The following SLC24A4 variants were observed in gnomAD, a reference collection of about 807,000 sequenced individuals.
The protein encoded by SLC24A4 is sodium/potassium/calcium exchanger 4.
SLC24A4 carries 53 observed loss-of-function variants against 79.0 expected under a neutral mutation model. The observed-to-expected ratio is 0.67, with a 90% CI of 0.54 to 0.84. SLC24A4 has a LOEUF of 0.84. Among genes scored for constraint, SLC24A4 ranks in the 40% least tolerant of loss-of-function variants. The pLI is 0.00. For synonymous variants in SLC24A4, 323 were observed against 323.8 expected, an observed-to-expected ratio of 1.00 and a Z score of 0.03; for missense variants, 731 against 822.0, an observed-to-expected ratio of 0.89 and a Z score of 1.35.
chr14:92,434,108 C>G, intron 3 of SLC24A4, 120 bp downstream of exon 3: 1 of 786,802 alleles, frequency 1.3e-6, no homozygotes, highest in Non-Finnish European at 2.2e-6. Flanking sequence ...GTGAGGAGAG[C>G]GGAGACTGGG....
chr14:92,323,600 AGCGCGCACGCG>A lies in SLC24A4; in HGVS notation c.-224_-214del, dbSNP rs1186380906. 11 of 389,156 alleles carry A rather than the reference AGCGCGCACGCG, an allele frequency of 2.8e-5. No individual in the cohort carries two copies. Among genetic ancestry groups the A allele is most frequent in the Non-Finnish European group, 4.9e-5 (11 of 223,234 alleles). 24.1% of individuals were successfully genotyped at this position (389,156 alleles called of 1,614,324 possible). The stretch of plus-strand genomic sequence containing the variant: ...CTCGCCACGGAGCCATGGTGCGCGC[AGCGCGCACGCG>A]GCGCGCGGGACTCTGAGCTCCGGCC... On this transcript the variant is annotated 5_prime_UTR_variant, in exon 1 of 17. It removes the in-frame stop codon of an upstream open reading frame in the 5' UTR. Transcript: ENST00000532405. The surrounding 1 kb of genome is among the most constrained non-coding windows in gnomAD (Gnocchi z 4.9).
chr14:92,407,880 TGTGTGTGTGTGTGTG>T (rs1890483797), intron 2 of SLC24A4, among the ~76,000 whole-genome samples: 1 of 151,622 alleles, frequency 6.6e-6, no homozygotes, highest in African/African-American at 2.4e-5. Flanking sequence ...TGTGTGTGTG[TGTGTGTGTGTGTGTG>T]TGTGTATTTA....
At position 92,336,239 on chromosome 14, in the gene SLC24A4, C is replaced by T. The variant is rs959310932; in HGVS notation, c.241+10261C>T. Among the ~76,000 whole-genome samples the T allele has an allele frequency of 3.3e-5, 5 of 152,172 alleles. No individual in the cohort carries two copies. The South Asian group carries it at 8.3e-4, about 25-fold the overall frequency. Reference sequence around the variant, plus strand: ...GGGTGAAAGAGATCCAGCCGTTGGACGTAACAGAAAAGTTGAATACTTGAA... The same window carrying T: ...GGGTGAAAGAGATCCAGCCGTTGGATGTAACAGAAAAGTTGAATACTTGAA... On this transcript the variant is annotated intron_variant, in intron 2 of 16. Transcript: ENST00000532405.
rs547107174 is a variant in SLC24A4 at position 92,345,766 on chromosome 14, A to C, written c.241+19788A>C. ...GCTGAGAATGAGGGCTGGTGTTCTG[A>C]GAGGGTGAAAGGGGGATGTTCATAG... On this transcript the variant is annotated intron_variant, in intron 2 of 16. Coordinates refer to ENST00000532405, the MANE Select transcript of SLC24A4 (RefSeq NM_153646.4). Among the ~76,000 whole-genome samples the C allele has an allele frequency of 4.4e-4, 67 of 151,914 alleles. 2 individuals are homozygous for C. In the South Asian group the frequency reaches 0.014, roughly 32 times the overall value.
At position 92,456,094 on chromosome 14, in the gene SLC24A4, C is replaced by T. The variant is rs556512234; in HGVS notation, c.1051-310C>T. 2.0e-4 allele frequency among the ~76,000 whole-genome samples: 31 copies of T among 152,338 alleles called. No individual in the cohort carries two copies. The South Asian group carries it at 5.2e-3, about 25-fold the overall frequency. On this transcript the variant is annotated intron_variant, in intron 11 of 16. Transcript: ENST00000532405. ...GTGGCCATCTTCAGGCAGCTGTGAA[C>T]GTCACCAGGGAGAGCCCCGAATGAT... is the stretch of plus-strand genomic sequence containing the variant.
intron 9 of SLC24A4, 34 bp from the exon 10 acceptor site, chr14:92,449,040 A>G: frequency 6.2e-7 from 1 of 1,611,796 alleles, no homozygotes; most frequent in Non-Finnish European, 8.5e-7. Context: ...ACTCCTTTCC[A>G]TTGCCCTGAC....
At chr14:92,356,877 C>A (rs1256243736) in intron 2 of SLC24A4, among the ~76,000 whole-genome samples, 1 of 152,146 alleles carries the variant, frequency 6.6e-6, no homozygotes, top group Non-Finnish European at 1.5e-5. Flanking sequence ...TAAGCCAGAC[C>A]CCCTCATGGC....
At chr14:92,382,273 A>C (rs1202368096) in intron 2 of SLC24A4, among the ~76,000 whole-genome samples, 1 of 152,194 alleles carries the variant, frequency 6.6e-6, no homozygotes, top group Non-Finnish European at 1.5e-5. Flanking sequence ...ATCAATTATC[A>C]AACATATATA....
intron 13 of SLC24A4, chr14:92,484,958 T>G: frequency 1.2e-6 from 1 of 869,110 alleles, no homozygotes; most frequent in Non-Finnish European, 1.4e-6. Flanking sequence ...TTGTGTACAT[T>G]ATACCCAATT....
chr14:92,484,065 G>A (rs1895224179), intron 13 of SLC24A4: 1 of 985,316 alleles, frequency 1.0e-6, no homozygotes. Flanking sequence ...TGAAGTGGGG[G>A]TGATCATCAC....
chr14:92,451,559 C>G (rs1893140054), intron 10 of SLC24A4: 2 of 152,258 alleles, frequency 1.3e-5, no homozygotes, highest in African/African-American at 4.8e-5. Flanking sequence ...CTGGGAGATT[C>G]TTCAAGAGCA....
At chr14:92,427,875 A>G (rs1034646130) in intron 2 of SLC24A4, among the ~76,000 whole-genome samples, 2 of 152,112 alleles carry the variant, frequency 1.3e-5, no homozygotes, top group African/African-American at 4.8e-5. Context: ...ATAGAGGTGG[A>G]GTCTTCATGG....
At chr14:92,448,326 A>G (rs888645931) in intron 9 of SLC24A4, among the ~76,000 whole-genome samples, 5 of 136,464 alleles carry the variant, frequency 3.7e-5, no homozygotes, top group African/African-American at 1.4e-4. Context: ...GTTATGACAT[A>G]TATTTTTTTC....
At chr14:92,483,644 G>C (rs1408010443) in intron 13 of SLC24A4, 18 of 972,654 alleles carry the variant, frequency 1.9e-5, no homozygotes, top group Non-Finnish European at 2.6e-5. Flanking sequence ...GCTGGGCTGG[G>C]CTGGGTCAGG....
In SLC24A4 at chr14:92,387,865, C is replaced by A. The variant is rs571436166; in HGVS notation, c.242-46047C>A. 7.2e-5 allele frequency among the ~76,000 whole-genome samples: 11 copies of A among 152,352 alleles called. No individual in the cohort carries two copies. The South Asian group carries it at 2.3e-3, about 32-fold the overall frequency. ...TTAGCATGAGTCACCCATGTTGTAG[C>A]CTGTGTTAGAATGTCCTACCTTTTA... On this transcript the variant is annotated intron_variant, in intron 2 of 16. Coordinates refer to ENST00000532405, the MANE Select transcript of SLC24A4 (RefSeq NM_153646.4).
intron 2 of SLC24A4, among the ~76,000 whole-genome samples, chr14:92,343,429 G>T (rs1886281560): frequency 1.3e-5 from 2 of 152,102 alleles, no homozygotes. Context: ...CTCAGTCATG[G>T]TTACTTTTGA....
chr14:92,489,453 G>T (rs150031494), intron 14 of SLC24A4, among the ~76,000 whole-genome samples: 1 of 152,076 alleles, frequency 6.6e-6, no homozygotes, highest in Admixed American at 6.5e-5. Flanking sequence ...ATAGCTTCCT[G>T]ATGACAAAAG....
At chr14:92,455,756 C>T (rs1401701961) in intron 11 of SLC24A4, among the ~76,000 whole-genome samples, 1 of 151,904 alleles carries the variant, frequency 6.6e-6, no homozygotes, top group African/African-American at 2.4e-5. Context: ...CTTTTGTTGC[C>T]CAGGCATTAT....
chr14:92,480,515 G>A (rs918082715), intron 12 of SLC24A4, among the ~76,000 whole-genome samples: 3 of 150,292 alleles, frequency 2.0e-5, no homozygotes, highest in East Asian at 1.9e-4. Flanking sequence ...GGATGGTCTC[G>A]ATCTCCTGAC....
Sources: allele counts gnomAD v4.1 joint callset (sites outside exome capture counted in the v4.1 genomes callset), GRCh38; gene constraint gnomAD v4.1.1; non-coding constraint Gnocchi (gnomAD v3.1); transcripts MANE v1.5; gene names NCBI Gene and HGNC (gene_info 2026-07-23, HGNC 2026-07-21).